The following CSNK1D variants were observed in gnomAD, a reference collection of about 807,000 sequenced individuals.
CSNK1D encodes the protein casein kinase I isoform delta.
CSNK1D carries 16 observed loss-of-function variants against 46.6 expected under a neutral mutation model. The observed-to-expected ratio is 0.34, with a 90% confidence interval of 0.23 to 0.52. The LOEUF (loss-of-function observed/expected upper bound fraction) is 0.52, where lower values mean the gene tolerates loss of function less well. CSNK1D is among the 20% of genes least tolerant of loss of function. CSNK1D has a pLI of 0.95. For missense variants in CSNK1D, 398 were observed against 578.4 expected, an observed-to-expected ratio of 0.69 and a Z score of 3.20; for synonymous variants, 276 against 228.2, an observed-to-expected ratio of 1.21 and a Z score of -1.89.
At position 82,255,149 on chromosome 17, in the gene CSNK1D, G is replaced by A. The variant is rs1368783732; in HGVS notation, c.336+280C>T. On this transcript the variant is annotated intron_variant, in intron 3 of 8. Coordinates refer to ENST00000314028, the MANE Select transcript of CSNK1D (RefSeq NM_001893.6). This position sits in a 1 kb window ranked among gnomAD's most constrained non-coding sequence, Gnocchi z 5.9. Reference sequence around the variant, plus strand: ...GCCGTCGGAGCCTCCAGAAGCCAGTGAGCTGGGCCGCCGGAGCCTCGAGAA... The same window carrying A: ...GCCGTCGGAGCCTCCAGAAGCCAGTAAGCTGGGCCGCCGGAGCCTCGAGAA... 9 of 455,098 alleles carry A rather than the reference G, an allele frequency of 2.0e-5. No individual in the cohort carries two copies. The highest frequency in any genetic ancestry group is 1.6e-4 in the South Asian group (8 of 48,766). 28.2% of individuals were successfully genotyped at this position (455,098 alleles called of 1,614,324 possible). A position where few individuals can be genotyped will look rare whatever the true frequency, so the allele number is the denominator to read the frequency against.
intron 8 of CSNK1D, chr17:82,246,166 G>A (rs1289173798): frequency 1.3e-6 from 2 of 1,540,672 alleles, no homozygotes; most frequent in Admixed American, 3.9e-5. Context: ...GCCACCTGGG[G>A]GAGCCCAGGC....
chr17:82,246,062 G>A (rs776916392), intron 8 of CSNK1D: 3 of 1,600,406 alleles, frequency 1.9e-6, no homozygotes, highest in East Asian at 4.5e-5. Flanking sequence ...AAAGACAGCT[G>A]TTGGTAAGCG....
Position 82,251,650 on chromosome 17 carries a change from A to C in CSNK1D, c.737-123T>G. ...AAGGGGAGAAGGACAGATGCAAAAC[A>C]CCTGTCAGATTTCTAAGACCTGAAG... On this transcript the variant is annotated intron_variant, in intron 5 of 8. Transcript: ENST00000314028. This position sits in a 1 kb window ranked among gnomAD's most constrained non-coding sequence, Gnocchi z 4.5. 1 of 984,792 alleles carries C rather than the reference A, an allele frequency of 1.0e-6. No homozygotes were observed. The highest frequency in any genetic ancestry group is 1.6e-6 in the Non-Finnish European group (1 of 632,196). The allele number at this position is 984,792 out of a possible 1,614,324, so 61.0% of individuals were successfully genotyped here.
In CSNK1D at chr17:82,273,084, C is replaced by T. The variant is rs1347941958; in HGVS notation, c.76+222G>A. The T allele has an allele frequency of 8.9e-6, 5 of 563,146 alleles. No homozygotes were observed. Among genetic ancestry groups the T allele is most frequent in the East Asian group, 3.1e-5 (1 of 32,174 alleles). The allele number at this position is 563,146 out of a possible 1,614,324, so 34.9% of individuals were successfully genotyped here. A position where few individuals can be genotyped will look rare whatever the true frequency, so the allele number is the denominator to read the frequency against. ...ACCCTCCCCTCTCCAGACCCTGCTC[C>T]CCCGACCTGGTCCTGCCCCTCCCCC... On this transcript the variant is annotated intron_variant, in intron 1 of 8. Coordinates refer to ENST00000314028, the MANE Select transcript of CSNK1D (RefSeq NM_001893.6). The surrounding 1 kb of genome is among the most constrained non-coding windows in gnomAD (Gnocchi z 5.1).
chr17:82,250,871 G>A lies in CSNK1D; in HGVS notation c.885+508C>T, dbSNP rs1434228336. ...TGAAAAGTAATTCAGCTCAGACATGGACCCAGGGCTGGGCTGCCTGTTTTA... is the reference window on the plus strand; with the variant it reads ...TGAAAAGTAATTCAGCTCAGACATGAACCCAGGGCTGGGCTGCCTGTTTTA... On this transcript the variant is annotated intron_variant, in intron 6 of 8. Coordinates refer to ENST00000314028, the MANE Select transcript of CSNK1D (RefSeq NM_001893.6). This position sits in a 1 kb window ranked among gnomAD's most constrained non-coding sequence, Gnocchi z 4.6. The A allele has an allele frequency of 2.6e-5, 5 of 190,262 alleles. 1 individual carries two copies. In the South Asian group the frequency reaches 3.4e-4, roughly 13 times the overall value. 11.8% of individuals were successfully genotyped at this position (190,262 alleles called of 1,614,324 possible).
In CSNK1D at chr17:82,244,793, G is replaced by A. The variant is rs760928529; in HGVS notation, c.1236C>T (p.Val412=). 3.7e-6 allele frequency: 6 copies of A among 1,613,858 alleles called. No individual in the cohort carries two copies. Among genetic ancestry groups the A allele is most frequent in the African/African-American group, 2.7e-5 (2 of 74,912 alleles). Residue 412 remains valine, a synonymous_variant, in exon 9 of 9, where the codon GTC becomes GTT. Transcript: ENST00000314028. Reference sequence around the variant, plus strand: ...ATAAGGAGAGTTCTCATCGGTGCACGACAGACTGAAGACCACTGGAAGCCA... The same window carrying A: ...ATAAGGAGAGTTCTCATCGGTGCACAACAGACTGAAGACCACTGGAAGCCA... ...GRVASSGLQS[V]VHR is the part of the protein sequence containing the mutation.
At position 82,244,731 on chromosome 17, in the gene CSNK1D, G is replaced by C. The variant is rs371742228; in HGVS notation, c.*50C>G. On this transcript the variant is annotated 3_prime_UTR_variant, in exon 9 of 9. Transcript: ENST00000314028. The stretch of plus-strand genomic sequence containing the variant: ...GTCACTAGTAAAGCCATTGGTAACA[G>C]AGTAGATCAGCCATGCATTGTCTGC... The C allele has an allele frequency of 2.2e-5, 36 of 1,613,340 alleles. No individual in the cohort carries two copies. In the African/African-American group the frequency reaches 4.7e-4, roughly 21 times the overall value.
intron 1 of CSNK1D, among the ~76,000 whole-genome samples, chr17:82,272,704 C>A (rs956707712): frequency 1.3e-5 from 2 of 152,362 alleles, no homozygotes; most frequent in African/African-American, 2.4e-5. Context: ...CCGCTCCACA[C>A]GGCATTTGGG....
At position 82,249,949 on chromosome 17, in the gene CSNK1D, A is replaced by G. The variant is rs2050958237; in HGVS notation, c.886-347T>C. 3 of 1,264,422 alleles carry G rather than the reference A, an allele frequency of 2.4e-6. No homozygotes were observed. Among genetic ancestry groups the G allele is most frequent in the African/African-American group, 1.5e-5 (1 of 65,462 alleles). The allele number at this position is 1,264,422 out of a possible 1,614,324, so 78.3% of individuals were successfully genotyped here. ...ACACGTGCAGAAAGAGGAGAGGGACAGGAACCATCGGAGGCCAAAGACAGG... is the reference window on the plus strand; with the variant it reads ...ACACGTGCAGAAAGAGGAGAGGGACGGGAACCATCGGAGGCCAAAGACAGG... On this transcript the variant is annotated intron_variant, in intron 6 of 8. Transcript: ENST00000314028. This position sits in a 1 kb window ranked among gnomAD's most constrained non-coding sequence, Gnocchi z 6.7.
At position 82,242,803 on chromosome 17, in the gene CSNK1D, G is replaced by C. The variant is rs561434832; in HGVS notation, c.*1978C>G. Reference sequence around the variant, plus strand: ...GACGTCCTACCTACGTCTCCTGCACGGGGCGACGGGGACTAGATACTGGGC... The same window carrying C: ...GACGTCCTACCTACGTCTCCTGCACCGGGCGACGGGGACTAGATACTGGGC... On this transcript the variant is annotated 3_prime_UTR_variant, in exon 9 of 9. Transcript: ENST00000314028. The C allele has an allele frequency of 1.2e-5, 12 of 985,470 alleles. No homozygotes were observed. The highest frequency in any genetic ancestry group is 5.2e-5 in the African/African-American group (3 of 57,354). The allele number at this position is 985,470 out of a possible 1,614,324, so 61.0% of individuals were successfully genotyped here.
chr17:82,246,891 G>C (rs2050864615), intron 8 of CSNK1D: 2 of 985,764 alleles, frequency 2.0e-6, no homozygotes, highest in Non-Finnish European at 2.4e-6. Flanking sequence ...GAGCAAACAG[G>C]TGAGGCGCTC....
chr17:82,252,538 A>G lies in CSNK1D; in HGVS notation c.632T>C (p.Leu211Pro). The change falls in exon 5 of 9, where the codon CTC becomes CCC. Residue 211 changes from leucine (L) to proline (P), a missense_variant. By Grantham distance (98) the Leu-to-Pro change is moderately conservative. Around this residue, in one of 2 missense-constraint regions of CSNK1D, gnomAD observed 217 missense variants for 370.3 expected, o/e 0.59. Transcript: ENST00000314028. The surrounding 1 kb of genome is among the most constrained non-coding windows in gnomAD (Gnocchi z 4.6). ...YVLMYFNLGSLPWQGLKAATK... is the reference protein window; with the variant it reads ...YVLMYFNLGSPPWQGLKAATK... ...GGCAGCCTTCAGCCCCTGCCAGGGG[A>G]GAGAGCCCAGGTTGAAGTACATTAG... The G allele has an allele frequency of 6.2e-7, 1 of 1,614,020 alleles. No homozygotes were observed. The highest frequency in any genetic ancestry group is 8.5e-7 in the Non-Finnish European group (1 of 1,179,988).
chr17:82,246,588 A>C (rs976539886), intron 8 of CSNK1D: 1 of 1,024,518 alleles, frequency 9.8e-7, no homozygotes, highest in African/African-American at 1.7e-5. Flanking sequence ...CAACAGCCCG[A>C]AAAGAGAGGG....
chr17:82,241,697 G>A (rs1347923318), downstream of CSNK1D, among the ~76,000 whole-genome samples: 1 of 152,232 alleles, frequency 6.6e-6, no homozygotes, highest in Non-Finnish European at 1.5e-5. Context: ...CAGCAAGAGG[G>A]AACCACGTGA....
rs772386349 is a variant in CSNK1D, at chr17:82,265,810, G to A, written c.77-14C>T. 2.5e-6 allele frequency: 4 copies of A among 1,599,674 alleles called. No homozygotes were observed. The highest frequency in any genetic ancestry group is 2.2e-5 in the East Asian group (1 of 44,850). On this transcript the variant is annotated splice_polypyrimidine_tract_variant and intron_variant, in intron 1 of 8. Coordinates refer to ENST00000314028, the MANE Select transcript of CSNK1D (RefSeq NM_001893.6). ...CAATGTCCGTACCTTGGCAAAGAAA[G>A]AAAACCACAACAGGAATTACCTGGT...
In CSNK1D at chr17:82,252,407, G is replaced by A. The variant is rs759246900; in HGVS notation, c.736+27C>T. The A allele has an allele frequency of 8.1e-6, 13 of 1,613,444 alleles. No individual in the cohort carries two copies. Among genetic ancestry groups the A allele is most frequent in the South Asian group, 3.3e-5 (3 of 91,078 alleles). On this transcript the variant is annotated intron_variant, in intron 5 of 8. Coordinates refer to ENST00000314028, the MANE Select transcript of CSNK1D (RefSeq NM_001893.6). The surrounding 1 kb of genome is among the most constrained non-coding windows in gnomAD (Gnocchi z 4.6). ...ATATGCAACCCCTGTGAGCAGCTCC[G>A]CTGAGAAGAGGCCTCCAGAGACTTA...
Position 82,249,765 on chromosome 17 carries a change from A to ACAGC in CSNK1D, c.886-167_886-164dup. 2 of 1,477,978 alleles carry ACAGC rather than the reference A, an allele frequency of 1.4e-6. No homozygotes were observed. The highest frequency in any genetic ancestry group is 1.3e-5 in the South Asian group (1 of 74,636). 91.6% of individuals were successfully genotyped at this position (1,477,978 alleles called of 1,614,324 possible). The stretch of plus-strand genomic sequence containing the variant: ...GCTGCACGTTTCTCCTCATGGGATG[A>ACAGC]CAGCATCATCCCCACAAGGGGTCAG... On this transcript the variant is annotated intron_variant, in intron 6 of 8. Coordinates refer to ENST00000314028, the MANE Select transcript of CSNK1D (RefSeq NM_001893.6). The surrounding 1 kb of genome is among the most constrained non-coding windows in gnomAD (Gnocchi z 6.7).
chr17:82,266,222 T>G (rs1026313999), intron 1 of CSNK1D, among the ~76,000 whole-genome samples: 5 of 152,128 alleles, frequency 3.3e-5, no homozygotes, highest in African/African-American at 9.7e-5. Context: ...GTGGTTTGAG[T>G]TTCCCCCTGA....
intron 3 of CSNK1D, chr17:82,253,954 G>C (rs1456113885): frequency 1.1e-4 from 27 of 238,130 alleles, no homozygotes; most frequent in African/African-American, 6.7e-4. Context: ...AGAAGCCAGT[G>C]AGCTGAGCCG....
Sources: gnomAD v4.1 joint callset for allele counts (sites outside exome capture counted in the v4.1 genomes callset) on GRCh38, gnomAD v4.1.1 for gene constraint, gnomAD v4.1.1 regional missense constraint, Gnocchi (gnomAD v3.1) non-coding constraint, MANE v1.5 for transcripts, NCBI Gene and HGNC (gene_info 2026-07-23, HGNC 2026-07-21) for gene names.